The following COL6A2 variants were observed in gnomAD, a reference collection of about 807,000 sequenced individuals.
COL6A2 encodes collagen type VI alpha 2 chain.
COL6A2 carries 90 observed loss-of-function variants against 124.9 expected under a neutral mutation model. The ratio of observed to expected loss-of-function variants is 0.72; its 90% CI spans 0.61 to 0.86. The LOEUF (loss-of-function observed/expected upper bound fraction) is 0.86. Among genes scored for constraint, COL6A2 ranks in the 40% least tolerant of loss-of-function variants. The pLI is 0.00. For synonymous variants in COL6A2, 793 were observed against 618.2 expected, an observed-to-expected ratio of 1.28 and a Z score of -4.19; for missense variants, 1,607 against 1,502.5, an observed-to-expected ratio of 1.07 and a Z score of -1.15.
rs2078396173 is a variant in COL6A2 at position 46,111,406 on chromosome 21, G to C, written c.-27-44G>C. The C allele has an allele frequency of 2.6e-6, 3 of 1,155,406 alleles. No individual in the cohort carries two copies. The Admixed American group carries it at 5.5e-5, about 21-fold the overall frequency. The allele number at this position is 1,155,406 out of a possible 1,614,324, so 71.6% of individuals were successfully genotyped here. A position where few individuals can be genotyped will look rare whatever the true frequency, so the allele number is the denominator to read the frequency against. On this transcript the variant is annotated intron_variant, in intron 1 of 27. Coordinates refer to ENST00000300527, the MANE Select transcript of COL6A2 (RefSeq NM_001849.4). ...CCTGCCATGGGGGAGGGTGCCAGGGGAGAGGCACTGGGGGTGTCTGAGCGA... is the reference window on the plus strand; with the variant it reads ...CCTGCCATGGGGGAGGGTGCCAGGGCAGAGGCACTGGGGGTGTCTGAGCGA...
chr21:46,128,915 C>A, intron 27 of COL6A2: 1 of 1,612,850 alleles, frequency 6.2e-7, no homozygotes, highest in Non-Finnish European at 8.5e-7. Flanking sequence ...TTGGACGGAG[C>A]TGTTTTGTGC....
In COL6A2 at chr21:46,116,928, C is replaced by CACAT. The variant is rs1170326329; in HGVS notation, c.999+117_999+118insTACA. ...GCTTACACATGTGTACACACGCATACACACACACACACACACACACACACA... is the reference window on the plus strand; with the variant it reads ...GCTTACACATGTGTACACACGCATACACATACACACACACACACACACACACACA... On this transcript the variant is annotated intron_variant, in intron 10 of 27. Coordinates refer to ENST00000300527, the MANE Select transcript of COL6A2 (RefSeq NM_001849.4). This position sits in a 1 kb window ranked among gnomAD's most constrained non-coding sequence, Gnocchi z 4.6. 2.3e-5 allele frequency: 10 copies of CACAT among 440,202 alleles called. No homozygotes were observed. The highest frequency in any genetic ancestry group is 3.7e-5 in the Non-Finnish European group (10 of 273,226). The allele number at this position is 440,202 out of a possible 1,614,324, so 27.3% of individuals were successfully genotyped here.
At chr21:46,102,616 T>A (rs2078299016) in intron 1 of COL6A2, among the ~76,000 whole-genome samples, 1 of 152,188 alleles carries the variant, frequency 6.6e-6, no homozygotes. Flanking sequence ...GGTATTGAAT[T>A]TTGTCATATG....
chr21:46,112,146 C>T lies in COL6A2; in HGVS notation c.283C>T (p.Arg95Cys), dbSNP rs1568925611. 8 of 1,613,122 alleles carry T rather than the reference C, an allele frequency of 5.0e-6. No individual in the cohort carries two copies. Among genetic ancestry groups the T allele is most frequent in the Non-Finnish European group, 5.9e-6 (7 of 1,180,032 alleles). Residue 95 changes from arginine (R) to cysteine (C), a missense_variant, in exon 3 of 28, where the codon CGC becomes TGC. Arg to Cys is a radical substitution (Grantham distance 180). This residue lies in a region of COL6A2 where 342 missense variants were observed against 381.5 expected (regional missense o/e 0.90). Coordinates refer to ENST00000300527, the MANE Select transcript of COL6A2 (RefSeq NM_001849.4). ...CCTGGACCAGGTGGCGCTGAGCTGGCGCTACGGCGGCCTGCACTTCTCTGA... is the reference window on the plus strand; with the variant it reads ...CCTGGACCAGGTGGCGCTGAGCTGGTGCTACGGCGGCCTGCACTTCTCTGA... Reference protein sequence around the residue: ...FYLDQVALSWRYGGLHFSDQV... With the variant: ...FYLDQVALSWCYGGLHFSDQV...
chr21:46,122,309 G>A lies in COL6A2; in HGVS notation c.1572+151G>A. 4 of 1,213,474 alleles carry A rather than the reference G, an allele frequency of 3.3e-6. No homozygotes were observed. The South Asian group carries it at 5.1e-5, about 15-fold the overall frequency. 75.2% of individuals were successfully genotyped at this position (1,213,474 alleles called of 1,614,324 possible). A position where few individuals can be genotyped will look rare whatever the true frequency, so the allele number is the denominator to read the frequency against. On this transcript the variant is annotated intron_variant, in intron 19 of 27. Transcript: ENST00000300527. ...GGACAGAGTGGTGAGAAGGCTTCGGGTGACTCAGTGAAGGATAGGTCCAGC... is the reference window on the plus strand; with the variant it reads ...GGACAGAGTGGTGAGAAGGCTTCGGATGACTCAGTGAAGGATAGGTCCAGC...
intron 18 of COL6A2, 133 bp from the exon 19 acceptor site, chr21:46,121,975 T>C: frequency 1.1e-6 from 1 of 950,998 alleles, no homozygotes; most frequent in Non-Finnish European, 1.7e-6. Flanking sequence ...GCCAGGCCTC[T>C]GCTCACAGCC....
intron 23 of COL6A2, among the ~76,000 whole-genome samples, 157 bp downstream of exon 23, chr21:46,125,077 G>A (rs1451010497): frequency 1.3e-5 from 2 of 152,200 alleles, no homozygotes; most frequent in South Asian, 4.2e-4. Flanking sequence ...GTTGGGGAAG[G>A]TCACAGGGCA....
At chr21:46,114,243 G>A (rs911439362) in intron 5 of COL6A2, among the ~76,000 whole-genome samples, 170 bp downstream of exon 5, 1 of 152,014 alleles carries the variant, frequency 6.6e-6, no homozygotes, top group Non-Finnish European at 1.5e-5. Flanking sequence ...TGGCTAACAT[G>A]GTGAAACCCT....
At chr21:46,129,695 C>T (rs1444759796) in intron 27 of COL6A2, 8 of 1,415,886 alleles carry the variant, frequency 5.7e-6, no homozygotes, top group Non-Finnish European at 7.3e-6. Context: ...CTGCATCTTC[C>T]AGTCTCTCCT....
In COL6A2 at chr21:46,124,586, G is replaced by T. The variant is rs1036390817; in HGVS notation, c.1672-65G>T. 6.7e-6 allele frequency: 10 copies of T among 1,501,628 alleles called. No individual in the cohort carries two copies. In the South Asian group the frequency reaches 9.0e-5, roughly 14 times the overall value. The allele number at this position is 1,501,628 out of a possible 1,614,324, so 93.0% of individuals were successfully genotyped here. ...CCCGTGGTTGGGGACAGCACAGGGG[G>T]CCCTGCTGTGTGCAGGGACTGTCCC... On this transcript the variant is annotated intron_variant, in intron 21 of 27. Transcript: ENST00000300527.
chr21:46,120,470 G>A, intron 15 of COL6A2, 45 bp from the exon 16 acceptor site: 4 of 1,491,160 alleles, frequency 2.7e-6, no homozygotes, highest in Middle Eastern at 2.2e-4. Context: ...ACCCAGGCCG[G>A]AGGCCTCAGC....
At position 46,119,826 on chromosome 21, in the gene COL6A2, C is replaced by G; in HGVS notation, c.1308C>G (p.Gly436=). The G allele has an allele frequency of 1.3e-6, 2 of 1,562,856 alleles. No individual in the cohort carries two copies. Among genetic ancestry groups the G allele is most frequent in the Non-Finnish European group, 1.7e-6 (2 of 1,153,118 alleles). The change falls in exon 15 of 28, where the codon GGC becomes GGG. Residue 436 remains glycine (G), a synonymous_variant. Coordinates refer to ENST00000300527, the MANE Select transcript of COL6A2 (RefSeq NM_001849.4). ...RGDPGTKGSP[G]SDGPKGEKGD... ...ACCCCGGCACCAAGGGCAGCCCAGG[C>G]AGCGATGGCCCCAAGGGGGAGAAGG...
At chr21:46,100,295 G>A (rs1188039672) in intron 1 of COL6A2, among the ~76,000 whole-genome samples, 1 of 151,940 alleles carries the variant, frequency 6.6e-6, no homozygotes, top group Non-Finnish European at 1.5e-5. Context: ...TCACTATGTT[G>A]CCCAGGCCAT....
At chr21:46,120,890 G>T (rs546595822) in intron 16 of COL6A2, among the ~76,000 whole-genome samples, 171 bp from the exon 17 acceptor site, 1 of 152,158 alleles carries the variant, frequency 6.6e-6, no homozygotes, top group Admixed American at 6.5e-5. Context: ...TCCACTCAGT[G>T]TGCTCAGGGC....
chr21:46,120,743 A>G (rs1184880748), intron 16 of COL6A2, among the ~76,000 whole-genome samples, 166 bp downstream of exon 16: 1 of 151,862 alleles, frequency 6.6e-6, no homozygotes, highest in Non-Finnish European at 1.5e-5. Flanking sequence ...ACCTCAAGGT[A>G]GGGGACCCAG....
chr21:46,114,236 C>T (rs1051405846), intron 5 of COL6A2, among the ~76,000 whole-genome samples, 163 bp downstream of exon 5: 1 of 151,948 alleles, frequency 6.6e-6, no homozygotes, highest in African/African-American at 2.4e-5. Context: ...ACCATCCTGG[C>T]TAACATGGTG....
At chr21:46,115,774 C>G in intron 5 of COL6A2, 98 bp from the exon 6 acceptor site, 1 of 1,091,550 alleles carries the variant, frequency 9.2e-7, no homozygotes, top group Non-Finnish European at 1.4e-6. Flanking sequence ...GAATCAGTAA[C>G]CTCTGCTGTG....
chr21:46,132,154 C>A lies in COL6A2; in HGVS notation c.2662C>A (p.Gln888Lys). 1 of 1,569,788 alleles carries A rather than the reference C, an allele frequency of 6.4e-7. No homozygotes were observed. The highest frequency in any genetic ancestry group is 8.6e-7 in the Non-Finnish European group (1 of 1,159,306). The change falls in exon 28 of 28, where the codon CAG (glutamine) becomes AAG (lysine). Residue 888 changes from glutamine to lysine, a missense_variant. This residue lies in a region of COL6A2 where 1,223 missense variants were observed against 1,052.2 expected (regional missense o/e 1.16). Coordinates refer to ENST00000300527, the MANE Select transcript of COL6A2 (RefSeq NM_001849.4). ...ALLQFGGPGEQQVAFPLSHNL... is the reference protein window; with the variant it reads ...ALLQFGGPGEKQVAFPLSHNL... The stretch of plus-strand genomic sequence containing the variant: ...GCTGCAGTTTGGTGGCCCCGGCGAG[C>A]AGCAGGTGGCCTTCCCGCTGAGCCA...
At chr21:46,117,308 G>C in intron 10 of COL6A2, 92 bp from the exon 11 acceptor site, 1 of 1,301,566 alleles carries the variant, frequency 7.7e-7, no homozygotes, top group African/African-American at 1.5e-5. Context: ...GCAGCCCTGC[G>C]GGGCAGAACC....
Sources: gnomAD v4.1 joint callset for allele counts (sites outside exome capture counted in the v4.1 genomes callset) on GRCh38, gnomAD v4.1.1 for gene constraint, gnomAD v4.1.1 regional missense constraint, Gnocchi (gnomAD v3.1) non-coding constraint, MANE v1.5 for transcripts, NCBI Gene and HGNC (gene_info 2026-07-23, HGNC 2026-07-21) for gene names.